The following TPRG1 variants were observed in gnomAD, a reference collection of about 807,000 sequenced individuals.
TPRG1 encodes tumor protein p63-regulated gene 1 protein.
A neutral mutation model predicts 29.3 loss-of-function variants in TPRG1; 29 were observed. That is an observed-to-expected ratio of 0.99 (90% CI 0.74 to 1.35). TPRG1 has a LOEUF of 1.35. TPRG1 is among the 40% of genes most tolerant of loss of function. The probability of loss-of-function intolerance (pLI) is 0.00; values close to 1 mark genes in which losing one functional copy is unlikely to be tolerated. For synonymous variants in TPRG1, 130 were observed against 116.8 expected (o/e 1.11, Z -0.73); for missense variants, 327 against 335.0 (o/e 0.98, Z 0.19).
At chr3:189,071,295 T>A (rs1382246239) in intron 4 of TPRG1, among the ~76,000 whole-genome samples, 1 of 152,194 alleles carries the variant, frequency 6.6e-6, no homozygotes, top group African/African-American at 2.4e-5. Flanking sequence ...AATAAGCCAA[T>A]AAATTTCCTT....
chr3:189,139,107 G>A (rs1370308974), intron 3 of TPRG1, among the ~76,000 whole-genome samples: 1 of 152,208 alleles, frequency 6.6e-6, no homozygotes. Flanking sequence ...GTGGTTTACT[G>A]TATGCTCACA....
At chr3:189,037,240 C>T (rs539889025) in intron 4 of TPRG1, among the ~76,000 whole-genome samples, 14 of 151,104 alleles carry the variant, frequency 9.3e-5, no homozygotes, top group East Asian at 1.9e-4. Context: ...AAAAATTCTA[C>T]GAAAATCATT....
intron 3 of TPRG1, among the ~76,000 whole-genome samples, chr3:189,220,611 C>T (rs1736788232): frequency 6.6e-6 from 1 of 152,094 alleles, no homozygotes; most frequent in South Asian, 2.1e-4. Flanking sequence ...AGGTAGGCCC[C>T]AGTGTGTGTT....
At chr3:189,035,976 T>C (rs1165879099) in intron 4 of TPRG1, among the ~76,000 whole-genome samples, 2 of 152,146 alleles carry the variant, frequency 1.3e-5, no homozygotes, top group East Asian at 3.8e-4. Context: ...CACTTGTATG[T>C]TCATTGAAGC....
At chr3:189,204,953 A>T (rs200157866) in intron 1 of TPRG1, among the ~76,000 whole-genome samples, 28,051 of 149,932 alleles carry the variant, frequency 0.19, 2,675 homozygotes, top group Middle Eastern at 0.26. Context: ...TCTCTCACAC[A>T]CACACACACA....
At chr3:189,183,076 C>G (rs1433797558) in intron 1 of TPRG1, among the ~76,000 whole-genome samples, 1 of 152,118 alleles carries the variant, frequency 6.6e-6, no homozygotes, top group Non-Finnish European at 1.5e-5. Context: ...TATCGGGGAA[C>G]CTGCCCCAGT....
At chr3:189,174,584 T>A (rs1255371666) in intron 1 of TPRG1, among the ~76,000 whole-genome samples, 1 of 152,226 alleles carries the variant, frequency 6.6e-6, no homozygotes. Context: ...CAGACCAGGC[T>A]ACAGGTTAAT....
At chr3:189,111,549 A>C (rs994919205) in intron 1 of TPRG1, among the ~76,000 whole-genome samples, 1 of 152,094 alleles carries the variant, frequency 6.6e-6, no homozygotes, top group African/African-American at 2.4e-5. Context: ...AATATAAACA[A>C]ATCTTGTCTA....
At chr3:189,193,112 CTCTT>C (rs942670700) in intron 1 of TPRG1, among the ~76,000 whole-genome samples, 6 of 135,894 alleles carry the variant, frequency 4.4e-5, no homozygotes, top group African/African-American at 1.6e-4. Context: ...TTAGAATTCT[CTCTT>C]TGTTTTTGAC....
intron 4 of TPRG1, among the ~76,000 whole-genome samples, chr3:189,048,378 T>G (rs145887093): frequency 6.6e-6 from 1 of 152,314 alleles, no homozygotes; most frequent in East Asian, 1.9e-4. Flanking sequence ...GGCTTTTTGT[T>G]CTATTTAAAG....
At chr3:189,175,576 G>A (rs918241588) in intron 1 of TPRG1, among the ~76,000 whole-genome samples, 3 of 152,170 alleles carry the variant, frequency 2.0e-5, no homozygotes, top group Admixed American at 1.3e-4. Flanking sequence ...TCGTCAGTGA[G>A]AGAATGTCTG....
intron 3 of TPRG1, among the ~76,000 whole-genome samples, chr3:189,138,913 C>T (rs747481499): frequency 5.9e-5 from 9 of 152,082 alleles, no homozygotes; most frequent in Non-Finnish European, 2.9e-5. Flanking sequence ...CCTGTGGCCA[C>T]ACTCCTTGGG....
chr3:189,232,756 G>A (rs571923925), intron 3 of TPRG1, among the ~76,000 whole-genome samples: 1 of 152,124 alleles, frequency 6.6e-6, no homozygotes, highest in South Asian at 2.1e-4. Context: ...TTTACTTTGA[G>A]AGTCCTCTAT....
upstream of TPRG1, among the ~76,000 whole-genome samples, chr3:189,098,601 C>T (rs1439053504): frequency 6.6e-6 from 1 of 151,864 alleles, no homozygotes; most frequent in African/African-American, 2.4e-5. Flanking sequence ...TTTCCCAGGA[C>T]AGGGAGTGGG....
intron 3 of TPRG1, chr3:189,218,054 T>G (rs190250899): frequency 5.1e-6 from 5 of 984,536 alleles, no homozygotes; most frequent in Non-Finnish European, 6.0e-6. Context: ...TATTTAGTTC[T>G]TATGAATTAT....
intron 1 of TPRG1, among the ~76,000 whole-genome samples, chr3:189,124,388 G>A (rs1030612542): frequency 6.6e-6 from 1 of 152,146 alleles, no homozygotes; most frequent in Non-Finnish European, 1.5e-5. Flanking sequence ...CTTTCAAACT[G>A]TACTGTGACA....
At chr3:189,157,184 G>A (rs1036502825) in intron 5 of TPRG1, among the ~76,000 whole-genome samples, 2 of 152,160 alleles carry the variant, frequency 1.3e-5, no homozygotes, top group Non-Finnish European at 1.5e-5. Flanking sequence ...TATTTGTTAT[G>A]CATCTTAGAG....
chr3:189,079,139 A>G (rs1187766696), intron 4 of TPRG1, among the ~76,000 whole-genome samples: 5 of 152,128 alleles, frequency 3.3e-5, no homozygotes, highest in African/African-American at 1.2e-4. Context: ...AGGGAGCAAA[A>G]GGAAGAGAGG....
chr3:189,250,943 T>A (rs540624121), intron 4 of TPRG1, among the ~76,000 whole-genome samples: 1 of 152,134 alleles, frequency 6.6e-6, no homozygotes, highest in African/African-American at 2.4e-5. Context: ...GATTCATGCA[T>A]CATGAGCTAT....
Sources: allele counts gnomAD v4.1 joint callset (sites outside exome capture counted in the v4.1 genomes callset), GRCh38; gene constraint gnomAD v4.1.1; transcripts MANE v1.5; gene names NCBI Gene and HGNC (gene_info 2026-07-23, HGNC 2026-07-21).